The following CMSS1 variants were observed in gnomAD, a reference collection of about 807,000 sequenced individuals.
CMSS1 encodes protein CMSS1.
A neutral mutation model predicts 43.5 loss-of-function variants in CMSS1; 33 were observed. That is an observed-to-expected ratio of 0.76 (90% CI 0.57 to 1.01). The LOEUF (loss-of-function observed/expected upper bound fraction) is 1.01, where lower values mean the gene tolerates loss of function less well. Ranked by LOEUF, CMSS1 falls within the 50% of genes least tolerant of loss-of-function variation. The probability of loss-of-function intolerance (pLI) is 0.00; values close to 1 mark genes in which losing one functional copy is unlikely to be tolerated. For synonymous variants in CMSS1, 115 were observed against 117.2 expected, an observed-to-expected ratio of 0.98 and a Z score of 0.12; for missense variants, 313 against 326.4, an observed-to-expected ratio of 0.96 and a Z score of 0.32.
At chr3:99,848,000 G>A (rs539347313) in intron 1 of CMSS1, 1 of 1,090,566 alleles carries the variant, frequency 9.2e-7, no homozygotes, top group Non-Finnish European at 1.1e-6. Flanking sequence ...TCAAATTAAA[G>A]TGAGTTATGG....
At chr3:100,013,614 T>G (rs907079419) in intron 1 of CMSS1, among the ~76,000 whole-genome samples, 35 of 152,184 alleles carry the variant, frequency 2.3e-4, no homozygotes, top group African/African-American at 7.7e-4. Context: ...AGAAAATGAA[T>G]GACCATATTC....
At chr3:99,837,690 G>T (rs1451889257) in intron 1 of CMSS1, among the ~76,000 whole-genome samples, 1 of 152,168 alleles carries the variant, frequency 6.6e-6, no homozygotes, top group African/African-American at 2.4e-5. Context: ...CTTCTGACCT[G>T]GGAAGATACA....
At chr3:99,922,370 C>G (rs1045011001) in intron 1 of CMSS1, among the ~76,000 whole-genome samples, 1 of 152,106 alleles carries the variant, frequency 6.6e-6, no homozygotes, top group African/African-American at 2.4e-5. Context: ...TTCTTGTGCT[C>G]CTTTAATCTG....
At chr3:99,833,232 A>C in intron 1 of CMSS1, 1 of 1,611,850 alleles carries the variant, frequency 6.2e-7, no homozygotes, top group Non-Finnish European at 8.5e-7. Context: ...AAGGATGTTG[A>C]GTTCAATGAG....
intron 1 of CMSS1, among the ~76,000 whole-genome samples, chr3:100,100,154 G>A (rs2066279722): frequency 6.6e-6 from 1 of 152,132 alleles, no homozygotes; most frequent in Non-Finnish European, 1.5e-5. Flanking sequence ...GGTGGGCTGG[G>A]ACAATGCTGC....
At chr3:100,077,721 G>A (rs983273658) in intron 1 of CMSS1, among the ~76,000 whole-genome samples, 1 of 152,066 alleles carries the variant, frequency 6.6e-6, no homozygotes, top group African/African-American at 2.4e-5. Context: ...ACCAGCCTGG[G>A]CAACATGGCA....
intron 1 of CMSS1, among the ~76,000 whole-genome samples, chr3:99,922,684 G>T (rs542298672): frequency 6.6e-6 from 1 of 152,284 alleles, no homozygotes; most frequent in Admixed American, 6.5e-5. Flanking sequence ...AATAGAGAGG[G>T]TTAATTGTCC....
At chr3:100,014,898 T>TTTTTTTTTTTTTTTTTTTTTTTTC (rs1710291087) in intron 1 of CMSS1, among the ~76,000 whole-genome samples, 1 of 110,398 alleles carries the variant, frequency 9.1e-6, no homozygotes, top group Non-Finnish European at 2.0e-5. Context: ...TTTCTTTCTT[T>TTTTTTTTTTTTTTTTTTTTTTTTC]TTTTTTTTTT....
At chr3:99,840,013 G>A (rs985846279) in intron 1 of CMSS1, among the ~76,000 whole-genome samples, 1 of 152,090 alleles carries the variant, frequency 6.6e-6, no homozygotes, top group African/African-American at 2.4e-5. Flanking sequence ...GCCATGTCTG[G>A]AGATATTATT....
At chr3:99,936,852 T>G (rs1285677205) in intron 1 of CMSS1, among the ~76,000 whole-genome samples, 2 of 152,146 alleles carry the variant, frequency 1.3e-5, no homozygotes, top group Non-Finnish European at 2.9e-5. Flanking sequence ...TAACATTAAT[T>G]TATTCAACAA....
chr3:100,129,629 T>A (rs2066690675), intron 1 of CMSS1, among the ~76,000 whole-genome samples: 1 of 152,210 alleles, frequency 6.6e-6, no homozygotes, highest in Admixed American at 6.5e-5. Context: ...GTCTATTACC[T>A]GTTTCTAACT....
intron 1 of CMSS1, among the ~76,000 whole-genome samples, chr3:99,862,399 G>T (rs1335499067): frequency 1.3e-5 from 2 of 152,120 alleles, no homozygotes; most frequent in African/African-American, 2.4e-5. Context: ...TGTTTATTGC[G>T]ATCTATTTTA....
chr3:99,848,386 TTA>T, intron 1 of CMSS1: 1 of 1,614,182 alleles, frequency 6.2e-7, no homozygotes, highest in Non-Finnish European at 8.5e-7. Context: ...TAGTGCCCCG[TTA>T]ATTAAGCCTT....
intron 1 of CMSS1, among the ~76,000 whole-genome samples, chr3:100,099,937 T>C (rs1033915043): frequency 6.6e-6 from 1 of 152,114 alleles, no homozygotes. Flanking sequence ...CACAGTGTTA[T>C]AAAGATCATC....
intron 1 of CMSS1, among the ~76,000 whole-genome samples, chr3:99,943,892 C>T (rs1170281785): frequency 6.6e-6 from 1 of 152,176 alleles, no homozygotes; most frequent in African/African-American, 2.4e-5. Flanking sequence ...GGTCAAACTA[C>T]TTCATTTCTT....
chr3:100,044,757 A>T lies in CMSS1; in HGVS notation c.65-102216A>T, dbSNP rs188353356. The stretch of plus-strand genomic sequence containing the variant: ...ATTATTGTACCTCATCACACAGTAG[A>T]TGAGAGAAGGAAACCAATGTGAAAA... On this transcript the variant is annotated intron_variant, in intron 1 of 9. Transcript: ENST00000421999. Among the ~76,000 whole-genome samples the T allele has an allele frequency of 1.6e-4, 24 of 152,278 alleles. No homozygotes were observed. The East Asian group carries it at 3.7e-3, about 23-fold the overall frequency.
intron 1 of CMSS1, among the ~76,000 whole-genome samples, chr3:99,842,532 G>A (rs772490811): frequency 2.0e-5 from 3 of 149,690 alleles, no homozygotes; most frequent in Non-Finnish European, 4.4e-5. Flanking sequence ...ATGGTCTCAG[G>A]TAACCCCTCA....
At chr3:100,111,604 G>A (rs1020193984) in intron 1 of CMSS1, among the ~76,000 whole-genome samples, 3 of 152,160 alleles carry the variant, frequency 2.0e-5, no homozygotes, top group South Asian at 2.1e-4. Flanking sequence ...CTCTTTCAGT[G>A]TAGGCTCCAG....
At chr3:100,156,986 C>T (rs151126770) in intron 2 of CMSS1, among the ~76,000 whole-genome samples, 114 of 152,208 alleles carry the variant, frequency 7.5e-4, no homozygotes, top group African/African-American at 2.6e-3. Context: ...AAACTCCTGG[C>T]CTCAAGCAGT....
Sources: allele counts gnomAD v4.1 joint callset (sites outside exome capture counted in the v4.1 genomes callset), GRCh38; gene constraint gnomAD v4.1.1; transcripts MANE v1.5; gene names NCBI Gene and HGNC (gene_info 2026-07-23, HGNC 2026-07-21).